C4orf50: variants seen among roughly 807,000 people sequenced by gnomAD.
C4orf50 encodes uncharacterized protein C4orf50.
In C4orf50, 80 loss-of-function variants were observed where a neutral mutation model predicts 77.2. The observed-to-expected ratio is 1.04, with a 90% CI of 0.87 to 1.25. C4orf50 has a LOEUF of 1.25. C4orf50 is among the 50% of genes most tolerant of loss of function. The pLI, the probability that C4orf50 is intolerant of heterozygous loss-of-function variation, is 0.00. For synonymous variants in C4orf50, 532 were observed against 465.3 expected (o/e 1.14, Z -1.84); for missense variants, 1,257 against 1,152.9 (o/e 1.09, Z -1.31).
downstream of C4orf50, among the ~76,000 whole-genome samples, chr4:5,953,453 T>G (rs932872246): frequency 6.6e-6 from 1 of 152,210 alleles, no homozygotes; most frequent in Non-Finnish European, 1.5e-5. Flanking sequence ...GGCCTCAAGC[T>G]GGGCATGGGT....
chr4:5,928,073 G>A (rs531993567), intron 7 of C4orf50, among the ~76,000 whole-genome samples: 1 of 152,266 alleles, frequency 6.6e-6, no homozygotes, highest in Non-Finnish European at 1.5e-5. Context: ...TTAATGCGTG[G>A]AACTTGCAAT....
intron 30 of C4orf50, among the ~76,000 whole-genome samples, chr4:5,975,136 T>A (rs1241435765): frequency 1.5e-5 from 1 of 64,956 alleles, no homozygotes; most frequent in Admixed American, 2.9e-4. Context: ...TGACACTCCA[T>A]CTCAAAAAAA....
At chr4:5,949,117 G>C (rs1370545958) in intron 7 of C4orf50, among the ~76,000 whole-genome samples, 26 of 152,168 alleles carry the variant, frequency 1.7e-4, no homozygotes, top group Admixed American at 1.7e-3. Flanking sequence ...AGGACAGACA[G>C]CAGAGGGGAG....
At chr4:5,986,008 CAT>C (rs1560582872) in intron 28 of C4orf50, among the ~76,000 whole-genome samples, 1 of 151,920 alleles carries the variant, frequency 6.6e-6, no homozygotes, top group Non-Finnish European at 1.5e-5. Flanking sequence ...AACATTATAA[CAT>C]ATAGATTTTA....
Position 6,009,473 on chromosome 4 carries a change from C to G in C4orf50, c.427-941G>C, listed in dbSNP as rs543757871. ...AGCTTTGTTTGATAGTTTTGGGGAA[C>G]GTGGGGCAGATAAAAGTCAGGGTCA... On this transcript the variant is annotated intron_variant, in intron 24 of 33. Coordinates refer to ENST00000531445, the Ensembl canonical transcript of C4orf50. This position sits in a 1 kb window ranked among gnomAD's most constrained non-coding sequence, Gnocchi z 5.6. Among the ~76,000 whole-genome samples, 2 of 152,116 alleles carry G rather than the reference C, an allele frequency of 1.3e-5. No homozygotes were observed. The highest frequency in any genetic ancestry group is 4.8e-5 in the African/African-American group (2 of 41,428).
At chr4:5,951,367 C>T (rs1482011994) in intron 7 of C4orf50, among the ~76,000 whole-genome samples, 1 of 152,022 alleles carries the variant, frequency 6.6e-6, no homozygotes, top group African/African-American at 2.4e-5. Context: ...GATTGTGAAG[C>T]AAGAGACACC....
exon 28 of C4orf50, chr4:5,988,497 C>A (rs1278680652): frequency 4.5e-6 from 7 of 1,543,768 alleles, no homozygotes; most frequent in Non-Finnish European, 5.2e-6. Context: ...TTCTCCAGAC[C>A]AGCGATGGAG....
Position 6,011,538 on chromosome 4 carries a change from C to T in C4orf50, c.426+292G>A, listed in dbSNP as rs115280554. ...AGTCTCCCCCATCTGCATAAGAGCT[C>T]CGGACCCCAGGAGCCCTGCATCAGC... On this transcript the variant is annotated intron_variant, in intron 24 of 33. Transcript: ENST00000531445. The surrounding 1 kb of genome is among the most constrained non-coding windows in gnomAD (Gnocchi z 4.2). Among the ~76,000 whole-genome samples the T allele has an allele frequency of 0.017, 2,575 of 152,196 alleles. 67 individuals carry two copies. The highest frequency in any genetic ancestry group is 0.055 in the African/African-American group (2,302 of 41,514).
intron 7 of C4orf50, among the ~76,000 whole-genome samples, chr4:5,921,684 C>T (rs1241156979): frequency 1.3e-5 from 2 of 152,096 alleles, no homozygotes; most frequent in Non-Finnish European, 2.9e-5. Context: ...GGAGGGGACA[C>T]TCGAGAGGGT....
intron 7 of C4orf50, chr4:5,923,263 T>G (rs542389938): frequency 6.5e-6 from 1 of 153,694 alleles, no homozygotes; most frequent in Non-Finnish European, 1.5e-5. Flanking sequence ...GGTGGTAGAG[T>G]TGGGATTCGA....
chr4:5,955,762 C>T (rs531164609), downstream of C4orf50, among the ~76,000 whole-genome samples: 3 of 152,246 alleles, frequency 2.0e-5, no homozygotes, highest in South Asian at 2.1e-4. The surrounding 1 kb of genome is among the most constrained non-coding windows in gnomAD (Gnocchi z 5.1). Context: ...CTGGCCCCTC[C>T]GGTGGAGTCA....
chr4:5,967,906 A>C (rs772824593), intron 31 of C4orf50, among the ~76,000 whole-genome samples: 21 of 152,202 alleles, frequency 1.4e-4, no homozygotes, highest in Non-Finnish European at 2.9e-4. Flanking sequence ...CTGGTTCCGC[A>C]TTGCACGGGG....
At chr4:5,909,036 C>T (rs1169974299) in intron 7 of C4orf50, among the ~76,000 whole-genome samples, 1 of 152,154 alleles carries the variant, frequency 6.6e-6, no homozygotes, top group Non-Finnish European at 1.5e-5. Context: ...ACACAATCCA[C>T]TCTACACAGC....
chr4:6,012,686 C>T (rs1722536965), intron 23 of C4orf50, among the ~76,000 whole-genome samples: 1 of 152,120 alleles, frequency 6.6e-6, no homozygotes, highest in Admixed American at 6.5e-5. Flanking sequence ...AGACATAGAA[C>T]CCAGACTGGA....
At chr4:5,960,961 A>G (rs1402297921) in intron 33 of C4orf50, among the ~76,000 whole-genome samples, 3 of 152,152 alleles carry the variant, frequency 2.0e-5, no homozygotes, top group Non-Finnish European at 2.9e-5. Context: ...CAGCCTGGCC[A>G]ACATGGTAAA....
At chr4:5,920,634 G>T (rs1429611172) in intron 7 of C4orf50, among the ~76,000 whole-genome samples, 1 of 151,558 alleles carries the variant, frequency 6.6e-6, no homozygotes, top group Admixed American at 6.6e-5. Flanking sequence ...GTGCCACCAT[G>T]CCCTGCTAAT....
rs992523052 is a variant in C4orf50 at position 5,901,985 on chromosome 4, C to T, written c.*2475-3797G>A. On this transcript the variant is annotated intron_variant, in intron 7 of 7. Coordinates refer to the C4orf50 transcript ENST00000324058. The surrounding 1 kb of genome is among the most constrained non-coding windows in gnomAD (Gnocchi z 4.4). ...GCGACTGAGCAGACTTACGCGGAAG[C>T]CCACCCACCAGGGCAGCAATTTGGC... 8 of 152,248 alleles carry T rather than the reference C, an allele frequency of 5.3e-5. No homozygotes were observed. Among genetic ancestry groups the T allele is most frequent in the African/African-American group, 1.9e-4 (8 of 41,442 alleles). The allele number at this position is 152,248 out of a possible 1,614,324, so 9.4% of individuals were successfully genotyped here. A position where few individuals can be genotyped will look rare whatever the true frequency, so the allele number is the denominator to read the frequency against.
At chr4:5,941,201 C>T (rs546054122) in intron 7 of C4orf50, among the ~76,000 whole-genome samples, 2 of 152,270 alleles carry the variant, frequency 1.3e-5, no homozygotes, top group African/African-American at 2.4e-5. Flanking sequence ...TTCCTTTGTG[C>T]CAGAGTCTAT....
Position 6,000,673 on chromosome 4 carries a change from G to C in C4orf50, c.964-6197C>G, listed in dbSNP as rs1038247333. On this transcript the variant is annotated intron_variant, in intron 25 of 33. Transcript: ENST00000531445. The surrounding 1 kb of genome is among the most constrained non-coding windows in gnomAD (Gnocchi z 6.0). ...TCTGTTTTGTCATCCTGTGGGGCAG[G>C]GTCTTGTCTCACTCCCCAGCCCCTG... Among the ~76,000 whole-genome samples, 1 of 152,006 alleles carries C rather than the reference G, an allele frequency of 6.6e-6. No individual in the cohort carries two copies. Among genetic ancestry groups the C allele is most frequent in the Non-Finnish European group, 1.5e-5 (1 of 68,024 alleles).
Sources: allele counts gnomAD v4.1 joint callset (sites outside exome capture counted in the v4.1 genomes callset), GRCh38; gene constraint gnomAD v4.1.1; non-coding constraint Gnocchi (gnomAD v3.1); transcripts MANE v1.5; gene names NCBI Gene and HGNC (gene_info 2026-07-23, HGNC 2026-07-21).